Variants in AUTS2 observed in about 807,000 individuals in gnomAD.
AUTS2 encodes autism susceptibility gene 2 protein.
In AUTS2, 17 loss-of-function variants were observed where a neutral mutation model predicts 112.4. The observed-to-expected ratio is 0.15, with a 90% CI of 0.10 to 0.23. The LOEUF is 0.23. AUTS2 is among the 10% of genes least tolerant of loss of function. The pLI, the probability that AUTS2 is intolerant of heterozygous loss-of-function variation, is 1.00. For missense variants in AUTS2, 1,510 were observed against 1,701.6 expected, an observed-to-expected ratio of 0.89 and a Z score of 1.98; for synonymous variants, 751 against 702.7, an observed-to-expected ratio of 1.07 and a Z score of -1.09.
intron 5 of AUTS2, among the ~76,000 whole-genome samples, chr7:70,465,519 C>T (rs1452444466): frequency 6.6e-6 from 1 of 152,176 alleles, no homozygotes; most frequent in East Asian, 1.9e-4. Flanking sequence ...CTCTTGAAGT[C>T]ATTGGGCTGA....
At chr7:69,605,761 G>C (rs542785446) in intron 1 of AUTS2, among the ~76,000 whole-genome samples, 1 of 152,222 alleles carries the variant, frequency 6.6e-6, no homozygotes, top group East Asian at 1.9e-4. Flanking sequence ...TGGAAAATTT[G>C]GCCATGGGAC....
At chr7:69,785,887 A>G (rs1213264221) in intron 1 of AUTS2, among the ~76,000 whole-genome samples, 5 of 152,042 alleles carry the variant, frequency 3.3e-5, no homozygotes, top group Admixed American at 2.6e-4. Context: ...CTGGAGTGCA[A>G]TGGCGCAATC....
chr7:70,331,235 T>C (rs559526103), intron 4 of AUTS2, among the ~76,000 whole-genome samples: 142 of 152,288 alleles, frequency 9.3e-4, no homozygotes, highest in African/African-American at 3.2e-3. Flanking sequence ...AATTTGTTAT[T>C]GGTCTATTCA....
At chr7:69,946,190 G>A (rs1796802385) in intron 2 of AUTS2, among the ~76,000 whole-genome samples, 1 of 152,098 alleles carries the variant, frequency 6.6e-6, no homozygotes, top group Non-Finnish European at 1.5e-5. Flanking sequence ...AGATCATACA[G>A]TGTTTGTATT....
intron 5 of AUTS2, among the ~76,000 whole-genome samples, chr7:70,499,052 A>G (rs1337179207): frequency 6.6e-6 from 1 of 152,094 alleles, no homozygotes; most frequent in African/African-American, 2.4e-5. Flanking sequence ...CTTTCAGCTC[A>G]CTTCTACCGT....
intron 1 of AUTS2, among the ~76,000 whole-genome samples, chr7:69,652,518 A>G (rs1161746275): frequency 6.6e-6 from 1 of 151,390 alleles, no homozygotes; most frequent in Non-Finnish European, 1.5e-5. Flanking sequence ...AGCTGGAAGC[A>G]TTCTTAGCTG....
intron 2 of AUTS2, among the ~76,000 whole-genome samples, chr7:70,043,567 T>C (rs1207908298): frequency 9.2e-5 from 8 of 86,676 alleles, no homozygotes; most frequent in African/African-American, 3.8e-4. Context: ...CTTCCTTCCT[T>C]CCTTCCTTCC....
chr7:70,107,335 CTTTTTTT>C lies in AUTS2; in HGVS notation c.523-10780_523-10774del, dbSNP rs35066322. Among the ~76,000 whole-genome samples, 6 of 96,936 alleles carry C rather than the reference CTTTTTTT, an allele frequency of 6.2e-5. No homozygotes were observed. In the South Asian group the frequency reaches 2.5e-3, roughly 40 times the overall value. 63.6% of individuals were successfully genotyped at this position (96,936 alleles called of 152,430 possible). A position where few individuals can be genotyped will look rare whatever the true frequency, so the allele number is the denominator to read the frequency against. On this transcript the variant is annotated intron_variant, in intron 2 of 18. Transcript: ENST00000342771. ...TTACTGGCCAATCCCAGATGAGAAG[CTTTTTTT>C]TTTTTTTTTTTTTTTTCTTTGAGAC...
chr7:69,729,994 A>ATTTTTTT (rs10684331), intron 1 of AUTS2, among the ~76,000 whole-genome samples: 2 of 56,748 alleles, frequency 3.5e-5, no homozygotes, highest in South Asian at 6.6e-4. Flanking sequence ...TGTTGTTTTA[A>ATTTTTTT]TTTTTTTTTT....
intron 1 of AUTS2, among the ~76,000 whole-genome samples, chr7:69,702,691 G>A (rs1260344181): frequency 1.3e-5 from 2 of 152,154 alleles, no homozygotes; most frequent in Non-Finnish European, 2.9e-5. Flanking sequence ...TGTTAGAAAT[G>A]CAGATTTGGG....
chr7:70,111,030 A>C (rs991553101), intron 2 of AUTS2, among the ~76,000 whole-genome samples: 2 of 151,194 alleles, frequency 1.3e-5, no homozygotes, highest in Non-Finnish European at 2.9e-5. Flanking sequence ...GCCCACCACC[A>C]TGCCCAGCAA....
intron 5 of AUTS2, among the ~76,000 whole-genome samples, chr7:70,685,400 G>A (rs986736376): frequency 2.7e-5 from 4 of 150,168 alleles, no homozygotes; most frequent in African/African-American, 9.9e-5. Flanking sequence ...CTGAACCAGG[G>A]AGGCGGAGGT....
At chr7:70,066,121 T>C (rs981241589) in intron 2 of AUTS2, among the ~76,000 whole-genome samples, 1 of 152,246 alleles carries the variant, frequency 6.6e-6, no homozygotes, top group Non-Finnish European at 1.5e-5. Flanking sequence ...ATCAGTTTGA[T>C]AATTTTGCCA....
intron 4 of AUTS2, among the ~76,000 whole-genome samples, chr7:70,326,515 G>A (rs1294863821): frequency 6.6e-6 from 1 of 152,160 alleles, no homozygotes; most frequent in East Asian, 1.9e-4. Flanking sequence ...GTTACACAAA[G>A]GAAATGGACG....
chr7:69,824,696 A>T (rs1482726084), intron 1 of AUTS2: 1 of 152,080 alleles, frequency 6.6e-6, no homozygotes, highest in Non-Finnish European at 1.5e-5. Context: ...TGGTAAGGCC[A>T]TGGAAACAGA....
chr7:70,559,007 A>G (rs867155242), intron 5 of AUTS2, among the ~76,000 whole-genome samples: 19 of 152,154 alleles, frequency 1.2e-4, no homozygotes, highest in Middle Eastern at 3.2e-3. Flanking sequence ...ACGTTGTGGG[A>G]GGGACCTGGT....
intron 1 of AUTS2, among the ~76,000 whole-genome samples, chr7:69,839,810 G>A (rs1227082560): frequency 2.0e-5 from 3 of 152,166 alleles, no homozygotes; most frequent in East Asian, 1.9e-4. Flanking sequence ...TGTTGTTGTC[G>A]TGTTTTGTAG....
At chr7:69,689,853 T>A (rs765439106) in intron 1 of AUTS2, among the ~76,000 whole-genome samples, 89 of 133,672 alleles carry the variant, frequency 6.7e-4, no homozygotes, top group Non-Finnish European at 1.1e-3. Context: ...TAATTTTGTA[T>A]TTTTTTTTTT....
chr7:70,287,672 T>C (rs955565729), intron 4 of AUTS2, among the ~76,000 whole-genome samples: 7 of 152,202 alleles, frequency 4.6e-5, no homozygotes, highest in Non-Finnish European at 4.4e-5. Flanking sequence ...TTATCTTTAA[T>C]GTTATTTTCA....
Sources: allele counts gnomAD v4.1 joint callset (sites outside exome capture counted in the v4.1 genomes callset), GRCh38; gene constraint gnomAD v4.1.1; transcripts MANE v1.5; gene names NCBI Gene and HGNC (gene_info 2026-07-23, HGNC 2026-07-21).